The following USP6NL variants were observed in gnomAD, a reference collection of about 807,000 sequenced individuals.
The protein encoded by USP6NL is USP6 N-terminal like.
A neutral mutation model predicts 61.9 loss-of-function variants in USP6NL; 26 were observed. That is an observed-to-expected ratio of 0.42 (90% CI 0.31 to 0.58). The LOEUF (loss-of-function observed/expected upper bound fraction) is 0.58, where lower values mean the gene tolerates loss of function less well. Ranked by LOEUF, USP6NL falls within the 20% of genes least tolerant of loss-of-function variation. The pLI is 0.16. For missense variants in USP6NL, 1,114 were observed against 1,034.3 expected, an observed-to-expected ratio of 1.08 and a Z score of -1.06; for synonymous variants, 432 against 390.1, an observed-to-expected ratio of 1.11 and a Z score of -1.27.
chr10:11,518,623 C>T lies in USP6NL; in HGVS notation c.156-49G>A. The T allele has an allele frequency of 7.0e-7, 1 of 1,419,534 alleles. No individual in the cohort carries two copies. The highest frequency in any genetic ancestry group is 9.9e-7 in the Non-Finnish European group (1 of 1,013,456). The allele number at this position is 1,419,534 out of a possible 1,614,324, so 87.9% of individuals were successfully genotyped here. A position where few individuals can be genotyped will look rare whatever the true frequency, so the allele number is the denominator to read the frequency against. ...ATGAAATTGTTGAAATCAAAACAAA[C>T]TTTTAAAAGCTTATATACTTATAGA... On this transcript the variant is annotated intron_variant, in intron 4 of 14. Transcript: ENST00000609104. This position sits in a 1 kb window ranked among gnomAD's most constrained non-coding sequence, Gnocchi z 5.3.
intron 3 of USP6NL, among the ~76,000 whole-genome samples, chr10:11,527,059 C>G (rs1835450087): frequency 6.6e-6 from 1 of 152,042 alleles, no homozygotes; most frequent in Non-Finnish European, 1.5e-5. Flanking sequence ...AAAAGTAAAT[C>G]AAACAAAAGA....
intron 2 of USP6NL, among the ~76,000 whole-genome samples, chr10:11,578,457 C>T (rs1837629770): frequency 6.6e-6 from 1 of 152,096 alleles, no homozygotes; most frequent in Admixed American, 6.6e-5. Context: ...TAAGATGATG[C>T]TTGCTTTAAG....
chr10:11,484,371 G>T lies in USP6NL; in HGVS notation c.925+600C>A, dbSNP rs574873767. Among the ~76,000 whole-genome samples, 4 of 149,398 alleles carry T rather than the reference G, an allele frequency of 2.7e-5. No individual in the cohort carries two copies. The East Asian group carries it at 7.9e-4, about 29-fold the overall frequency. ...AATTTATAGAGCCCTTAAATATATTGCAACTGAAGACTAAAAATTCTCCAG... is the reference window on the plus strand; with the variant it reads ...AATTTATAGAGCCCTTAAATATATTTCAACTGAAGACTAAAAATTCTCCAG... On this transcript the variant is annotated intron_variant, in intron 13 of 14. Transcript: ENST00000609104.
chr10:11,471,689 A>G (rs1252615670), intron 14 of USP6NL, among the ~76,000 whole-genome samples: 1 of 152,168 alleles, frequency 6.6e-6, no homozygotes, highest in African/African-American at 2.4e-5. Context: ...ACATGGATGA[A>G]GCTGGAAACC....
intron 1 of USP6NL, among the ~76,000 whole-genome samples, chr10:11,606,314 C>A (rs1838705361): frequency 6.6e-6 from 1 of 152,100 alleles, no homozygotes; most frequent in African/African-American, 2.4e-5. Context: ...AGTTAGAAAA[C>A]TTGTCAATAT....
At chr10:11,552,452 A>G (rs1836527030) in intron 2 of USP6NL, among the ~76,000 whole-genome samples, 1 of 152,250 alleles carries the variant, frequency 6.6e-6, no homozygotes, top group South Asian at 2.1e-4. Flanking sequence ...CAATGTGGTC[A>G]TAGTTTTGCC....
rs1166798218 is a variant in USP6NL at position 11,524,424 on chromosome 10, T to C, written c.155+962A>G. Among the ~76,000 whole-genome samples, 3 of 152,292 alleles carry C rather than the reference T, an allele frequency of 2.0e-5. No homozygotes were observed. In the East Asian group the frequency reaches 5.8e-4, roughly 29 times the overall value. On this transcript the variant is annotated intron_variant, in intron 4 of 14. Transcript: ENST00000609104. ...TTTTAAAAATGAAGCACAAAATGGCTACATGACCAGAGAACAGCAAAGCCA... is the reference window on the plus strand; with the variant it reads ...TTTTAAAAATGAAGCACAAAATGGCCACATGACCAGAGAACAGCAAAGCCA...
At position 11,487,822 on chromosome 10, in the gene USP6NL, A is replaced by G. The variant is rs1775208824; in HGVS notation, c.664+1280T>C. On this transcript the variant is annotated intron_variant, in intron 10 of 14. Coordinates refer to ENST00000609104, the MANE Select transcript of USP6NL (RefSeq NM_014688.5). The surrounding 1 kb of genome is among the most constrained non-coding windows in gnomAD (Gnocchi z 4.2). ...ACATACCCCCCTCACTCTTCCACACACACACAATATCCTCACATGGTCAGA... is the reference window on the plus strand; with the variant it reads ...ACATACCCCCCTCACTCTTCCACACGCACACAATATCCTCACATGGTCAGA... Among the ~76,000 whole-genome samples the G allele has an allele frequency of 6.6e-6, 1 of 152,224 alleles. No individual in the cohort carries two copies. Among genetic ancestry groups the G allele is most frequent in the Admixed American group, 6.5e-5 (1 of 15,290 alleles).
chr10:11,539,919 G>A (rs767608445), intron 2 of USP6NL, among the ~76,000 whole-genome samples: 19 of 152,202 alleles, frequency 1.2e-4, no homozygotes, highest in Admixed American at 2.0e-4. Flanking sequence ...AGACTGAGGC[G>A]TGGAAATGTT....
rs1373299424 is a variant in USP6NL at position 11,597,316 on chromosome 10, T to C, written c.4+315A>G. On this transcript the variant is annotated intron_variant, in intron 2 of 14. Coordinates refer to ENST00000609104, the MANE Select transcript of USP6NL (RefSeq NM_014688.5). This position sits in a 1 kb window ranked among gnomAD's most constrained non-coding sequence, Gnocchi z 4.6. ...CTCTACTAATTATGGTCAACTGCAA[T>C]GTTCCCTATTCATATTTCTGAAGAA... is the stretch of plus-strand genomic sequence containing the variant. Among the ~76,000 whole-genome samples the C allele has an allele frequency of 1.3e-5, 2 of 152,210 alleles. No homozygotes were observed. The highest frequency in any genetic ancestry group is 1.5e-5 in the Non-Finnish European group (1 of 68,040).
rs1385461624 is a variant in USP6NL, at chr10:11,611,448, T to TTC, written c.-90_-89insGA. On this transcript the variant is annotated 5_prime_UTR_variant, in exon 1 of 15. Transcript: ENST00000609104. The surrounding 1 kb of genome is among the most constrained non-coding windows in gnomAD (Gnocchi z 5.3). ...AGCTGAGGAATGGAAGTTACCTCAG[T>TTC]ACGGTCCCGACTGCTAGGCTGTGGG... is the stretch of plus-strand genomic sequence containing the variant. 6.5e-6 allele frequency: 1 copy of TTC among 152,806 alleles called. No homozygotes were observed. The highest frequency in any genetic ancestry group is 2.4e-5 in the African/African-American group (1 of 41,172). The allele number at this position is 152,806 out of a possible 1,614,324, so 9.5% of individuals were successfully genotyped here.
Position 11,600,840 on chromosome 10 carries a change from C to T in USP6NL, c.-83-3123G>A, listed in dbSNP as rs374842637. 7.9e-5 allele frequency among the ~76,000 whole-genome samples: 12 copies of T among 152,098 alleles called. No homozygotes were observed. The highest frequency in any genetic ancestry group is 3.4e-3 in the Middle Eastern group (1 of 294). On this transcript the variant is annotated intron_variant, in intron 1 of 14. Coordinates refer to ENST00000609104, the MANE Select transcript of USP6NL (RefSeq NM_014688.5). This position sits in a 1 kb window ranked among gnomAD's most constrained non-coding sequence, Gnocchi z 4.1. ...AAAATTAGCTGGGCGTGGTGGCAGC[C>T]GCCTGTAATGCCAGCTACTGGAGAG...
chr10:11,521,600 T>A (rs1356617189), intron 4 of USP6NL, among the ~76,000 whole-genome samples: 1 of 152,024 alleles, frequency 6.6e-6, no homozygotes, highest in Admixed American at 6.6e-5. Context: ...CAGGCTGGTC[T>A]TGAACTCCTC....
At position 11,485,210 on chromosome 10, in the gene USP6NL, A is replaced by T; in HGVS notation, c.784T>A (p.Phe262Ile). Residue 262 changes from phenylalanine (F) to isoleucine (I), a missense_variant, in exon 12 of 15, where the codon TTT becomes ATT. By Grantham distance (21) the Phe-to-Ile change is conservative (BLOSUM62 0). Coordinates refer to ENST00000609104, the MANE Select transcript of USP6NL (RefSeq NM_014688.5). This position sits in a 1 kb window ranked among gnomAD's most constrained non-coding sequence, Gnocchi z 4.8. ...HLDSQEIYTS[F>I]YTMKWFFQCF... ...TGAAAAAACCATTTCATTGTGTAAAAACTTGTGTAGATTTCTTGAGAATCC... is the reference window on the plus strand; with the variant it reads ...TGAAAAAACCATTTCATTGTGTAAATACTTGTGTAGATTTCTTGAGAATCC... The T allele has an allele frequency of 6.5e-7, 1 of 1,532,768 alleles. No homozygotes were observed. Among genetic ancestry groups the T allele is most frequent in the East Asian group, 2.4e-5 (1 of 41,214 alleles). The allele number at this position is 1,532,768 out of a possible 1,614,324, so 94.9% of individuals were successfully genotyped here.
intron 2 of USP6NL, among the ~76,000 whole-genome samples, chr10:11,554,450 C>G (rs1188569984): frequency 2.0e-5 from 3 of 152,092 alleles, no homozygotes; most frequent in Non-Finnish European, 4.4e-5. Flanking sequence ...TGTGGCAGTC[C>G]TGAGAAAATA....
intron 1 of USP6NL, among the ~76,000 whole-genome samples, chr10:11,610,592 A>G (rs1838855382): frequency 6.6e-6 from 1 of 151,980 alleles, no homozygotes; most frequent in Admixed American, 6.5e-5. Context: ...TTCTTTCAAC[A>G]AGCAACATAC....
At chr10:11,554,429 T>C (rs1300996091) in intron 2 of USP6NL, among the ~76,000 whole-genome samples, 2 of 152,078 alleles carry the variant, frequency 1.3e-5, no homozygotes, top group Non-Finnish European at 2.9e-5. Context: ...ATGTAAAAGC[T>C]AAACAGAACT....
At chr10:11,560,714 T>TAATA (rs138095176) in intron 2 of USP6NL, among the ~76,000 whole-genome samples, 1 of 141,326 alleles carries the variant, frequency 7.1e-6, no homozygotes, top group African/African-American at 2.6e-5. Flanking sequence ...TATATATATA[T>TAATA]TATATATATA....
intron 1 of USP6NL, among the ~76,000 whole-genome samples, chr10:11,603,497 A>T (rs1838616514): frequency 6.6e-6 from 1 of 152,232 alleles, no homozygotes; most frequent in Admixed American, 6.5e-5. Flanking sequence ...GGAGTCCGAC[A>T]TCATTTTAAA....
Sources: gnomAD v4.1 joint callset for allele counts (sites outside exome capture counted in the v4.1 genomes callset) on GRCh38, gnomAD v4.1.1 for gene constraint, Gnocchi (gnomAD v3.1) non-coding constraint, MANE v1.5 for transcripts, NCBI Gene and HGNC (gene_info 2026-07-23, HGNC 2026-07-21) for gene names.